The following ELMO1 variants were observed in gnomAD, a reference collection of about 807,000 sequenced individuals.
ELMO1 encodes the protein engulfment and cell motility protein 1.
Under a neutral mutation model 98.9 loss-of-function variants are expected in ELMO1, and 26 were observed. That is an observed-to-expected ratio of 0.26 (90% CI 0.19 to 0.36). ELMO1 has a LOEUF of 0.36. Among genes scored for constraint, ELMO1 ranks in the 10% least tolerant of loss-of-function variants. ELMO1 has a pLI of 1.00. For synonymous variants in ELMO1, 346 were observed against 346.0 expected, an observed-to-expected ratio of 1.00 and a Z score of 0.00; for missense variants, 627 against 935.2, an observed-to-expected ratio of 0.67 and a Z score of 4.30.
At chr7:37,100,025 G>C (rs1784560490) in intron 14 of ELMO1, among the ~76,000 whole-genome samples, 1 of 151,956 alleles carries the variant, frequency 6.6e-6, no homozygotes, top group Non-Finnish European at 1.5e-5. Flanking sequence ...GTAGAGACGG[G>C]GTTTCACCAT....
intron 13 of ELMO1, among the ~76,000 whole-genome samples, chr7:37,201,849 A>C (rs770803818): frequency 1.3e-5 from 2 of 152,242 alleles, no homozygotes; most frequent in Non-Finnish European, 2.9e-5. Flanking sequence ...ATTAGAACTG[A>C]GGTCTGCAGC....
intron 13 of ELMO1, among the ~76,000 whole-genome samples, chr7:37,208,264 T>G (rs897670953): frequency 2.6e-5 from 4 of 152,136 alleles, no homozygotes; most frequent in Admixed American, 2.6e-4. Flanking sequence ...TGCTGCCCAG[T>G]TTCACAGCTG....
chr7:37,424,382 T>A (rs1305277023), intron 1 of ELMO1, among the ~76,000 whole-genome samples: 1 of 152,174 alleles, frequency 6.6e-6, no homozygotes, highest in African/African-American at 2.4e-5. Flanking sequence ...TTCTCAGTAC[T>A]CATGGGCAGG....
In ELMO1 at chr7:37,164,913, A is replaced by G. The variant is rs954335382; in HGVS notation, c.1087-31679T>C. On this transcript the variant is annotated intron_variant, in intron 13 of 21. Coordinates refer to ENST00000310758, the MANE Select transcript of ELMO1 (RefSeq NM_014800.11). The stretch of plus-strand genomic sequence containing the variant: ...GCTTGATGGGGATGGCATTGAATCT[A>G]TAAATTACCTTGGGCAGTATGGCCA... 6.6e-5 allele frequency among the ~76,000 whole-genome samples: 10 copies of G among 151,750 alleles called. No homozygotes were observed. In the South Asian group the frequency reaches 1.3e-3, roughly 19 times the overall value.
chr7:37,054,187 A>G (rs890631903), intron 15 of ELMO1, among the ~76,000 whole-genome samples: 4 of 152,240 alleles, frequency 2.6e-5, no homozygotes. Context: ...TATTTTTGGT[A>G]GAAATTAAAT....
intron 15 of ELMO1, among the ~76,000 whole-genome samples, chr7:37,021,029 TA>T (rs904315179): frequency 5.3e-5 from 8 of 152,242 alleles, no homozygotes; most frequent in Admixed American, 6.5e-5. Flanking sequence ...TTCCTTTGTA[TA>T]AAAATAATCT....
intron 4 of ELMO1, among the ~76,000 whole-genome samples, chr7:37,301,711 C>T (rs374522144): frequency 3.6e-4 from 55 of 152,258 alleles, no homozygotes; most frequent in African/African-American, 1.2e-3. Context: ...ATGGTAAAGG[C>T]GGTGAATCCC....
intron 2 of ELMO1, among the ~76,000 whole-genome samples, chr7:37,334,224 G>A (rs932750362): frequency 2.6e-5 from 4 of 152,096 alleles, no homozygotes; most frequent in East Asian, 1.9e-4. Context: ...TCTGTCCACC[G>A]CCCAAGAGAC....
At chr7:37,387,780 C>G (rs1299548233) in intron 1 of ELMO1, among the ~76,000 whole-genome samples, 1 of 152,182 alleles carries the variant, frequency 6.6e-6, no homozygotes, top group Non-Finnish European at 1.5e-5. Context: ...TTCAGGAAAT[C>G]AATCTGTTTG....
intron 16 of ELMO1, among the ~76,000 whole-genome samples, chr7:36,993,426 C>G (rs1441213076): frequency 6.6e-6 from 1 of 152,178 alleles, no homozygotes; most frequent in Non-Finnish European, 1.5e-5. Flanking sequence ...ACTGCCATCA[C>G]AAAAACAGGA....
rs548830066 is a variant in ELMO1 at position 37,340,368 on chromosome 7, C to T, written c.78+2245G>A. ...GTAGGTACAGAGTTCTTTGTACTAT[C>T]CTGGCAATTTTTGTGTGTTTAAAAT... On this transcript the variant is annotated intron_variant, in intron 2 of 21. Transcript: ENST00000310758. Among the ~76,000 whole-genome samples, 6 of 152,220 alleles carry T rather than the reference C, an allele frequency of 3.9e-5. No homozygotes were observed. In the South Asian group the frequency reaches 1.2e-3, roughly 32 times the overall value.
intron 16 of ELMO1, among the ~76,000 whole-genome samples, chr7:37,012,421 C>T (rs149652415): frequency 6.6e-6 from 1 of 152,326 alleles, no homozygotes; most frequent in Non-Finnish European, 1.5e-5. Flanking sequence ...CCAGACCCTT[C>T]GACTCTTACA....
rs763998258 is a variant in ELMO1, at chr7:36,870,491, G to C, written c.1823-16C>G. 2 of 1,612,150 alleles carry C rather than the reference G, an allele frequency of 1.2e-6. No homozygotes were observed. Among genetic ancestry groups the C allele is most frequent in the Non-Finnish European group, 1.7e-6 (2 of 1,179,266 alleles). ...GCCACCGGCACTGCAATTCATAAAA[G>C]AAAATGCAAGTAACTACACCATGTG... On this transcript the variant is annotated splice_polypyrimidine_tract_variant and intron_variant, in intron 19 of 21. Transcript: ENST00000310758. This position sits in a 1 kb window ranked among gnomAD's most constrained non-coding sequence, Gnocchi z 4.4.
chr7:36,947,407 C>T (rs1389357697), intron 16 of ELMO1, among the ~76,000 whole-genome samples: 1 of 152,134 alleles, frequency 6.6e-6, no homozygotes, highest in Non-Finnish European at 1.5e-5. Context: ...AATAAATCAT[C>T]CCCAGTTTCT....
intron 13 of ELMO1, among the ~76,000 whole-genome samples, chr7:37,170,237 T>C (rs549379282): frequency 2.6e-5 from 4 of 152,232 alleles, no homozygotes; most frequent in African/African-American, 7.2e-5. Context: ...TATTTCCAAT[T>C]CTAAATTTGG....
At chr7:37,292,710 G>GT (rs1797777221) in intron 4 of ELMO1, among the ~76,000 whole-genome samples, 1 of 91,700 alleles carries the variant, frequency 1.1e-5, no homozygotes, top group Non-Finnish European at 2.5e-5. Context: ...GTCTCCGCCC[G>GT]GCAGCCGCCC....
chr7:37,110,623 G>A (rs1785202334), intron 14 of ELMO1, among the ~76,000 whole-genome samples: 1 of 152,012 alleles, frequency 6.6e-6, no homozygotes, highest in Non-Finnish European at 1.5e-5. Context: ...ATCTAAAAAT[G>A]ATGTCATTTC....
At chr7:37,239,104 A>G (rs1021042873) in intron 7 of ELMO1, among the ~76,000 whole-genome samples, 1 of 152,152 alleles carries the variant, frequency 6.6e-6, no homozygotes, top group Non-Finnish European at 1.5e-5. Flanking sequence ...CTTCTATAAT[A>G]TATAATATAG....
intron 16 of ELMO1, among the ~76,000 whole-genome samples, chr7:36,941,690 T>C (rs1470112376): frequency 6.6e-6 from 1 of 152,230 alleles, no homozygotes; most frequent in Non-Finnish European, 1.5e-5. Context: ...CCTAATAATT[T>C]GGATCTCTAG....
Sources: allele counts gnomAD v4.1 joint callset (sites outside exome capture counted in the v4.1 genomes callset), GRCh38; gene constraint gnomAD v4.1.1; non-coding constraint Gnocchi (gnomAD v3.1); transcripts MANE v1.5; gene names NCBI Gene and HGNC (gene_info 2026-07-23, HGNC 2026-07-21).